Variants in MATCAP2 observed in about 807,000 individuals in gnomAD.
MATCAP2 encodes microtubule associated tyrosine carboxypeptidase 2.
chr7:36,335,575 C>T, the MATCAP2 span, among the ~76,000 whole-genome samples: 2 of 152,206 alleles, frequency 1.3e-5, no homozygotes, highest in Non-Finnish European at 1.5e-5. Context: ...AGAGGCTTCT[C>T]GGGCAAATCT....
the MATCAP2 span, chr7:36,389,712 G>A: frequency 6.6e-6 from 2 of 303,934 alleles, no homozygotes; most frequent in Non-Finnish European, 1.2e-5. Flanking sequence ...GGAGGGGGCC[G>A]GGAAGGAGGC....
chr7:36,349,729 G>A, the MATCAP2 span, among the ~76,000 whole-genome samples: 2 of 152,176 alleles, frequency 1.3e-5, no homozygotes, highest in African/African-American at 2.4e-5. Context: ...TATTCAACCT[G>A]TTTTGTTGAA....
chr7:36,386,607 A>G, the MATCAP2 span, among the ~76,000 whole-genome samples: 1 of 152,196 alleles, frequency 6.6e-6, no homozygotes, highest in Non-Finnish European at 1.5e-5. Context: ...AACCAACAAA[A>G]ACCCTATAAA....
the MATCAP2 span, among the ~76,000 whole-genome samples, chr7:36,353,851 A>G: frequency 6.6e-6 from 1 of 152,196 alleles, no homozygotes; most frequent in Non-Finnish European, 1.5e-5. Context: ...ATTAGAATAA[A>G]GATACAATAT....
At chr7:36,341,328 G>A in the MATCAP2 span, among the ~76,000 whole-genome samples, 1 of 152,088 alleles carries the variant, frequency 6.6e-6, no homozygotes. Context: ...GAAAAAGAAT[G>A]GGTAAGAAGA....
the MATCAP2 span, among the ~76,000 whole-genome samples, chr7:36,350,149 C>T: frequency 2.6e-5 from 4 of 152,134 alleles, no homozygotes; most frequent in Non-Finnish European, 5.9e-5. Flanking sequence ...AATACTAGTA[C>T]AATTATAACT....
At chr7:36,377,718 C>CCT in the MATCAP2 span, among the ~76,000 whole-genome samples, 1 of 152,164 alleles carries the variant, frequency 6.6e-6, no homozygotes, top group African/African-American at 2.4e-5. Flanking sequence ...TTCCATTCTC[C>CCT]GCATCACTTT....
the MATCAP2 span, among the ~76,000 whole-genome samples, chr7:36,327,552 C>T: frequency 1.3e-5 from 2 of 152,160 alleles, no homozygotes; most frequent in Non-Finnish European, 2.9e-5. Context: ...GACTCTAAAA[C>T]CAAACAAGTC....
the MATCAP2 span, among the ~76,000 whole-genome samples, chr7:36,368,991 AT>A: frequency 1.3e-5 from 2 of 151,756 alleles, no homozygotes; most frequent in African/African-American, 4.8e-5. Flanking sequence ...TCTCTGCTTT[AT>A]TTTTTTTACT....
chr7:36,377,956 T>G, the MATCAP2 span, among the ~76,000 whole-genome samples: 1 of 152,212 alleles, frequency 6.6e-6, no homozygotes, highest in South Asian at 2.1e-4. Context: ...CTCCATCAGG[T>G]CATTTAAGTT....
At chr7:36,383,864 G>A in the MATCAP2 span, 2 of 1,598,932 alleles carry the variant, frequency 1.3e-6, no homozygotes, top group Non-Finnish European at 1.7e-6. Flanking sequence ...ATAACCTGAG[G>A]TAGAGAACTT....
chr7:36,335,091 T>C, the MATCAP2 span: 3 of 1,614,032 alleles, frequency 1.9e-6, no homozygotes, highest in Non-Finnish European at 2.5e-6. Context: ...TCACGTGCAG[T>C]GGACACATTG....
At chr7:36,378,732 C>T in the MATCAP2 span, among the ~76,000 whole-genome samples, 2 of 152,200 alleles carry the variant, frequency 1.3e-5, no homozygotes, top group Non-Finnish European at 2.9e-5. Flanking sequence ...AGACAGGCCT[C>T]CTTGAGCTGT....
At chr7:36,386,532 C>G in the MATCAP2 span, among the ~76,000 whole-genome samples, 1 of 150,492 alleles carries the variant, frequency 6.6e-6, no homozygotes, top group African/African-American at 2.5e-5. Context: ...AAAAGACAAG[C>G]CACAAACCAA....
At chr7:36,353,758 G>C in the MATCAP2 span, among the ~76,000 whole-genome samples, 7 of 152,192 alleles carry the variant, frequency 4.6e-5, no homozygotes, top group East Asian at 1.4e-3. Context: ...TGGGATTACA[G>C]GTGTGAGCCA....
the MATCAP2 span, among the ~76,000 whole-genome samples, chr7:36,353,836 T>G: frequency 2.0e-5 from 3 of 152,200 alleles, no homozygotes; most frequent in Admixed American, 2.0e-4. Flanking sequence ...TTTACATTTT[T>G]CTTTATTAGA....
chr7:36,339,839 ATATT>A, the MATCAP2 span, among the ~76,000 whole-genome samples: 1 of 152,062 alleles, frequency 6.6e-6, no homozygotes, highest in South Asian at 2.1e-4. Context: ...CTGCTTATAG[ATATT>A]TTTTTTATTT....
At chr7:36,330,939 G>T in the MATCAP2 span, 1 of 1,126,768 alleles carries the variant, frequency 8.9e-7, no homozygotes, top group Non-Finnish European at 1.4e-6. Flanking sequence ...GGGGAATGCT[G>T]ATCTGGGGTG....
chr7:36,358,356 T>C, the MATCAP2 span, among the ~76,000 whole-genome samples: 2 of 152,300 alleles, frequency 1.3e-5, no homozygotes, highest in African/African-American at 4.8e-5. Flanking sequence ...CAAAGCCTTA[T>C]TTACTCAAAA....
Sources: gnomAD v4.1 joint callset for allele counts (sites outside exome capture counted in the v4.1 genomes callset) on GRCh38, gnomAD v4.1.1 for gene constraint, MANE v1.5 for transcripts, NCBI Gene and HGNC (gene_info 2026-07-23, HGNC 2026-07-21) for gene names.